Variants in INPP4B observed in about 807,000 individuals in gnomAD.
The protein encoded by INPP4B is inositol polyphosphate-4-phosphatase type II B, also known as inositol polyphosphate 4-phosphatase type II.
INPP4B carries 55 observed loss-of-function variants against 122.5 expected under a neutral mutation model. The ratio of observed to expected loss-of-function variants is 0.45; its 90% CI spans 0.36 to 0.56. The LOEUF is 0.56. INPP4B is among the 20% of genes least tolerant of loss of function. The probability of loss-of-function intolerance (pLI) is 0.00; values close to 1 mark genes in which losing one functional copy is unlikely to be tolerated. For missense variants in INPP4B, 1,000 were observed against 1,097.7 expected (o/e 0.91, Z 1.26); for synonymous variants, 403 against 388.7 (o/e 1.04, Z -0.43).
At chr4:142,298,346 A>G (rs950788180) in intron 9 of INPP4B, among the ~76,000 whole-genome samples, 3 of 152,112 alleles carry the variant, frequency 2.0e-5, no homozygotes, top group African/African-American at 7.2e-5. Flanking sequence ...AAAGGGGTCC[A>G]AGAAGAAGCT....
intron 2 of INPP4B, among the ~76,000 whole-genome samples, chr4:142,675,681 G>T (rs904290636): frequency 6.6e-6 from 1 of 152,132 alleles, no homozygotes; most frequent in East Asian, 1.9e-4. Flanking sequence ...TGGGACGCAA[G>T]TCTGGTTCAA....
chr4:142,628,535 A>C (rs1317673425), intron 2 of INPP4B, among the ~76,000 whole-genome samples: 1 of 136,942 alleles, frequency 7.3e-6, no homozygotes, highest in Non-Finnish European at 1.6e-5. Context: ...CACAATGTGC[A>C]CATGTACCCT....
intron 2 of INPP4B, chr4:142,566,203 A>G (rs1232637548): frequency 2.0e-5 from 3 of 152,216 alleles, no homozygotes; most frequent in African/African-American, 7.2e-5. Flanking sequence ...AGGATACAAA[A>G]TGAAGGGGGT....
chr4:142,182,642 T>C (rs1831419287), intron 15 of INPP4B, among the ~76,000 whole-genome samples: 2 of 151,914 alleles, frequency 1.3e-5, no homozygotes, highest in Admixed American at 1.3e-4. Flanking sequence ...GTCTCTTTAA[T>C]GGAGTATAAA....
intron 12 of INPP4B, among the ~76,000 whole-genome samples, chr4:142,210,918 T>G (rs1393895937): frequency 6.6e-6 from 1 of 152,260 alleles, no homozygotes; most frequent in East Asian, 1.9e-4. Context: ...TTTGGCAAAA[T>G]GTAATCAGAA....
intron 23 of INPP4B, among the ~76,000 whole-genome samples, chr4:142,097,443 G>C (rs548119758): frequency 6.6e-6 from 1 of 151,754 alleles, no homozygotes; most frequent in East Asian, 1.9e-4. Context: ...TTTTAGTAGA[G>C]AGAGTTTTTC....
intron 2 of INPP4B, among the ~76,000 whole-genome samples, chr4:142,517,194 T>G (rs188237189): frequency 2.8e-4 from 43 of 152,228 alleles, no homozygotes; most frequent in African/African-American, 7.9e-4. Flanking sequence ...CAAGCATATG[T>G]GAAAATTATT....
chr4:142,559,970 C>T (rs181419167), intron 2 of INPP4B, among the ~76,000 whole-genome samples: 10 of 152,310 alleles, frequency 6.6e-5, no homozygotes, highest in Admixed American at 3.3e-4. Context: ...CTGTCCCTCT[C>T]ACTTGCCTAG....
intron 11 of INPP4B, among the ~76,000 whole-genome samples, chr4:142,253,896 G>T (rs1734008575): frequency 6.6e-6 from 1 of 152,144 alleles, no homozygotes; most frequent in African/African-American, 2.4e-5. Context: ...TCCACCTCTG[G>T]GGGCAGGGCA....
At chr4:142,416,033 T>C (rs934968076) in intron 5 of INPP4B, among the ~76,000 whole-genome samples, 10 of 151,824 alleles carry the variant, frequency 6.6e-5, no homozygotes, top group African/African-American at 2.2e-4. Context: ...GGGATAGCAT[T>C]AGGAGATATA....
At chr4:142,317,347 G>A in intron 7 of INPP4B, 1 of 357,150 alleles carries the variant, frequency 2.8e-6, no homozygotes. Flanking sequence ...GGAAATGACT[G>A]ATGGCTTCAA....
intron 5 of INPP4B, chr4:142,427,387 A>G (rs1335617737): frequency 8.3e-6 from 4 of 480,944 alleles, no homozygotes; most frequent in South Asian, 3.7e-5. Flanking sequence ...AAAAATATAT[A>G]TAAAAAAAGA....
At chr4:142,299,274 A>G (rs951752985) in intron 9 of INPP4B, among the ~76,000 whole-genome samples, 2 of 123,856 alleles carry the variant, frequency 1.6e-5, no homozygotes, top group African/African-American at 4.5e-5. Context: ...GGATCCTCCA[A>G]CCACAGCCTC....
At chr4:142,836,895 G>A (rs578172397) in intron 1 of INPP4B, among the ~76,000 whole-genome samples, 1 of 152,250 alleles carries the variant, frequency 6.6e-6, no homozygotes, top group Admixed American at 6.5e-5. Flanking sequence ...GCCAGGCGTG[G>A]TGGCTCATGC....
intron 11 of INPP4B, among the ~76,000 whole-genome samples, chr4:142,249,370 C>A (rs1021721559): frequency 2.7e-5 from 4 of 150,936 alleles, no homozygotes; most frequent in Admixed American, 6.6e-5. Context: ...ATAATTTTAC[C>A]AAAAAAAGAG....
intron 1 of INPP4B, among the ~76,000 whole-genome samples, chr4:142,814,578 G>T (rs1412024325): frequency 1.3e-5 from 2 of 152,114 alleles, no homozygotes; most frequent in Non-Finnish European, 2.9e-5. Flanking sequence ...GAGGGAAAGA[G>T]ATGTCATGGC....
chr4:142,496,913 T>C (rs1490381932), intron 2 of INPP4B: 1 of 151,090 alleles, frequency 6.6e-6, no homozygotes, highest in African/African-American at 2.4e-5. Flanking sequence ...ACTCACACTC[T>C]TTGAGGAGAC....
chr4:142,606,721 C>T (rs1422659789), intron 2 of INPP4B, among the ~76,000 whole-genome samples: 2 of 151,966 alleles, frequency 1.3e-5, no homozygotes. Flanking sequence ...CATGAGGAAG[C>T]TGCTGGCAAT....
intron 2 of INPP4B, among the ~76,000 whole-genome samples, chr4:142,634,050 G>A (rs1325362223): frequency 1.3e-5 from 2 of 149,836 alleles, no homozygotes; most frequent in Non-Finnish European, 3.0e-5. Context: ...GAGGTGGGGG[G>A]AAAAGGCAGG....
Sources: gnomAD v4.1 joint callset for allele counts (sites outside exome capture counted in the v4.1 genomes callset) on GRCh38, gnomAD v4.1.1 for gene constraint, MANE v1.5 for transcripts, NCBI Gene and HGNC (gene_info 2026-07-23, HGNC 2026-07-21) for gene names.